The following TRIM55 variants were observed in gnomAD, a reference collection of about 807,000 sequenced individuals.
TRIM55 encodes tripartite motif-containing protein 55.
In TRIM55, 50 loss-of-function variants were observed where a neutral mutation model predicts 60.9. The observed-to-expected ratio is 0.82, with a 90% CI of 0.65 to 1.04. The LOEUF (loss-of-function observed/expected upper bound fraction) is 1.04, where lower values mean the gene tolerates loss of function less well. TRIM55 is among the 50% of genes least tolerant of loss of function. TRIM55 has a pLI of 0.00. For missense variants in TRIM55, 681 were observed against 666.9 expected (o/e 1.02, Z -0.23); for synonymous variants, 237 against 238.1 (o/e 1.00, Z 0.04).
At position 66,175,178 on chromosome 8, in the gene TRIM55, G is replaced by A. The variant is rs1034240583; in HGVS notation, c.*585G>A. On this transcript the variant is annotated 3_prime_UTR_variant, in exon 10 of 10. Coordinates refer to ENST00000315962, the MANE Select transcript of TRIM55 (RefSeq NM_184085.2). ...CTTTGAATTTGGTGACACTTTCATGGTCCAGAAAGCTGAAGGCCTGGGCAT... is the reference window on the plus strand; with the variant it reads ...CTTTGAATTTGGTGACACTTTCATGATCCAGAAAGCTGAAGGCCTGGGCAT... The A allele has an allele frequency of 2.6e-5, 4 of 152,624 alleles. No homozygotes were observed. The highest frequency in any genetic ancestry group is 9.7e-5 in the African/African-American group (4 of 41,444). 9.5% of individuals were successfully genotyped at this position (152,624 alleles called of 1,614,324 possible). A position where few individuals can be genotyped will look rare whatever the true frequency, so the allele number is the denominator to read the frequency against.
chr8:66,152,903 T>TTG (rs59283692), intron 8 of TRIM55, among the ~76,000 whole-genome samples: 11,557 of 140,206 alleles, frequency 0.082, 519 homozygotes, highest in East Asian at 0.24. Flanking sequence ...TGTCTGGAAA[T>TTG]TGTGTGTGTG....
chr8:66,132,175 G>C (rs189808970), intron 2 of TRIM55, among the ~76,000 whole-genome samples: 41 of 152,322 alleles, frequency 2.7e-4, no homozygotes, highest in Non-Finnish European at 5.6e-4. Flanking sequence ...GTTTGGGCAG[G>C]CACAGTGGCT....
chr8:66,153,145 A>G lies in TRIM55; in HGVS notation c.1236+518A>G, dbSNP rs564673145. 1.5e-3 allele frequency among the ~76,000 whole-genome samples: 230 copies of G among 152,280 alleles called. 2 individuals are homozygous for G. The highest frequency in any genetic ancestry group is 0.011 in the South Asian group (54 of 4,832). On this transcript the variant is annotated intron_variant, in intron 8 of 9. Coordinates refer to ENST00000315962, the MANE Select transcript of TRIM55 (RefSeq NM_184085.2). ...AGGGGGTAAATAGAGAAACTACACT[A>G]GTTTATGTTCCTGTTGCTTACCCTG...
chr8:66,170,659 G>C (rs1167675826), intron 9 of TRIM55, among the ~76,000 whole-genome samples: 1 of 152,094 alleles, frequency 6.6e-6, no homozygotes, highest in Non-Finnish European at 1.5e-5. Flanking sequence ...TTAGGAGTGA[G>C]GATGTGGTAA....
the TRIM55 span, among the ~76,000 whole-genome samples, chr8:66,120,354 G>A: frequency 6.6e-6 from 1 of 152,154 alleles, no homozygotes; most frequent in African/African-American, 2.4e-5. Context: ...TGACAGACAT[G>A]CCTTTGTTAT....
the TRIM55 span, among the ~76,000 whole-genome samples, chr8:66,116,360 A>G: frequency 6.6e-6 from 1 of 152,110 alleles, no homozygotes; most frequent in Non-Finnish European, 1.5e-5. Context: ...TAATCCCAGC[A>G]CTTTGAGAGG....
intron 9 of TRIM55, among the ~76,000 whole-genome samples, chr8:66,158,959 A>G (rs1810899094): frequency 6.6e-6 from 1 of 152,232 alleles, no homozygotes; most frequent in Non-Finnish European, 1.5e-5. Flanking sequence ...GAGCAAAGAC[A>G]GGATGTACAC....
intron 4 of TRIM55, among the ~76,000 whole-genome samples, chr8:66,139,468 G>A (rs1033746142): frequency 4.0e-5 from 6 of 150,582 alleles, no homozygotes; most frequent in Admixed American, 3.3e-4. Flanking sequence ...TTTCTTCATA[G>A]AAGCCGATCA....
the TRIM55 span, among the ~76,000 whole-genome samples, chr8:66,120,150 A>G: frequency 1.3e-5 from 2 of 152,346 alleles, no homozygotes; most frequent in East Asian, 1.9e-4. Context: ...GAGCTGTGAC[A>G]TGAAGTAATG....
the TRIM55 span, among the ~76,000 whole-genome samples, chr8:66,116,086 T>G: frequency 6.6e-6 from 1 of 152,074 alleles, no homozygotes; most frequent in Non-Finnish European, 1.5e-5. Context: ...TGGAAGTGCT[T>G]GGAAAGAGGT....
rs138325639 is a variant in TRIM55 at position 66,147,913 on chromosome 8, A to G, written c.604-1732A>G. On this transcript the variant is annotated intron_variant, in intron 4 of 9. Coordinates refer to ENST00000315962, the MANE Select transcript of TRIM55 (RefSeq NM_184085.2). ...CAGATTCTACCCTCAAAAAAAATAT[A>G]CTTTGGATATTTAAGAAATTCACAT... 1.7e-4 allele frequency among the ~76,000 whole-genome samples: 26 copies of G among 152,266 alleles called. No homozygotes were observed. The East Asian group carries it at 5.0e-3, about 29-fold the overall frequency.
chr8:66,152,274 T>C (rs1586219614), intron 7 of TRIM55, 103 bp from the exon 8 acceptor site: 1 of 1,446,612 alleles, frequency 6.9e-7, no homozygotes, highest in Non-Finnish European at 9.0e-7. Flanking sequence ...AGAGAAAAAC[T>C]CCCCAGCCTT....
At chr8:66,142,739 A>G (rs1809890167) in intron 4 of TRIM55, among the ~76,000 whole-genome samples, 1 of 152,170 alleles carries the variant, frequency 6.6e-6, no homozygotes, top group Non-Finnish European at 1.5e-5. Flanking sequence ...CACTGAATGG[A>G]GTTGTTTGCT....
intron 4 of TRIM55, among the ~76,000 whole-genome samples, chr8:66,139,282 G>A (rs1432533977): frequency 6.6e-6 from 1 of 152,154 alleles, no homozygotes; most frequent in African/African-American, 2.4e-5. Flanking sequence ...GATGTCTGTT[G>A]GAAGGAACAG....
At position 66,133,734 on chromosome 8, in the gene TRIM55, G is replaced by A. The variant is rs988977034; in HGVS notation, c.342-1256G>A. Reference sequence around the variant, plus strand: ...TAGCAACTTATAAAGGAACATTAGCGTCTTACAGAGGCACATCAGCACGTT... The same window carrying A: ...TAGCAACTTATAAAGGAACATTAGCATCTTACAGAGGCACATCAGCACGTT... On this transcript the variant is annotated intron_variant, in intron 2 of 9. Coordinates refer to ENST00000315962, the MANE Select transcript of TRIM55 (RefSeq NM_184085.2). Among the ~76,000 whole-genome samples, 9 of 152,164 alleles carry A rather than the reference G, an allele frequency of 5.9e-5. No individual in the cohort carries two copies. In the East Asian group the frequency reaches 9.6e-4, roughly 16 times the overall value.
chr8:66,156,184 G>T (rs1190096142), intron 9 of TRIM55, among the ~76,000 whole-genome samples: 1 of 152,204 alleles, frequency 6.6e-6, no homozygotes, highest in Admixed American at 6.5e-5. Context: ...CTCCTCGTGG[G>T]ATGATGTTCT....
chr8:66,118,126 G>C, the TRIM55 span, among the ~76,000 whole-genome samples: 82 of 121,784 alleles, frequency 6.7e-4, no homozygotes, highest in African/African-American at 2.5e-3. Flanking sequence ...CCGAGATCGC[G>C]CCACTGCACT....
chr8:66,121,352 T>C, the TRIM55 span, among the ~76,000 whole-genome samples: 5 of 152,358 alleles, frequency 3.3e-5, no homozygotes, highest in Admixed American at 3.3e-4. Flanking sequence ...TTGCTCCCGA[T>C]CAGTTTCTAG....
upstream of TRIM55, among the ~76,000 whole-genome samples, chr8:66,122,317 G>C (rs182174745): frequency 2.6e-4 from 40 of 152,210 alleles, no homozygotes; most frequent in African/African-American, 8.4e-4. Context: ...GCAACCATTT[G>C]TCTCTTATCT....
Sources: gnomAD v4.1 joint callset for allele counts (sites outside exome capture counted in the v4.1 genomes callset) on GRCh38, gnomAD v4.1.1 for gene constraint, MANE v1.5 for transcripts, NCBI Gene and HGNC (gene_info 2026-07-23, HGNC 2026-07-21) for gene names.